Variants in KCNJ6 observed in about 807,000 individuals in gnomAD.
KCNJ6 encodes G protein-activated inward rectifier potassium channel 2.
In KCNJ6, 9 loss-of-function variants were observed where a neutral mutation model predicts 34.2. The observed-to-expected ratio is 0.26, with a 90% CI of 0.16 to 0.46. The LOEUF (loss-of-function observed/expected upper bound fraction) is 0.46, where lower values mean the gene tolerates loss of function less well. KCNJ6 is among the 20% of genes least tolerant of loss of function. KCNJ6 has a pLI of 1.00. For synonymous variants in KCNJ6, 196 were observed against 207.1 expected, an observed-to-expected ratio of 0.95 and a Z score of 0.46; for missense variants, 236 against 531.3, an observed-to-expected ratio of 0.44 and a Z score of 5.46.
intron 3 of KCNJ6, among the ~76,000 whole-genome samples, chr21:37,703,934 T>C (rs1038499506): frequency 1.3e-5 from 2 of 152,252 alleles, no homozygotes; most frequent in Non-Finnish European, 2.9e-5. Flanking sequence ...ACCCAGGATG[T>C]GACTCCATGC....
chr21:37,816,352 T>C (rs1292251324), intron 2 of KCNJ6, among the ~76,000 whole-genome samples: 2 of 152,180 alleles, frequency 1.3e-5, no homozygotes, highest in Non-Finnish European at 2.9e-5. Context: ...GGGCTTGGGG[T>C]TGCTTCTATG....
At chr21:37,769,247 AT>A (rs2123502016) in intron 2 of KCNJ6, among the ~76,000 whole-genome samples, 2 of 152,192 alleles carry the variant, frequency 1.3e-5, no homozygotes, top group South Asian at 4.2e-4. Context: ...CCGCCTGAAA[AT>A]GTAAGGTCAC....
chr21:37,774,493 T>G, intron 2 of KCNJ6, among the ~76,000 whole-genome samples: 2 of 139,886 alleles, frequency 1.4e-5, no homozygotes, highest in South Asian at 2.4e-4. Flanking sequence ...ATGCTATCCC[T>G]CCCCCCCTCC....
chr21:37,860,141 C>T (rs1342466062), intron 1 of KCNJ6, among the ~76,000 whole-genome samples: 3 of 152,184 alleles, frequency 2.0e-5, no homozygotes, highest in African/African-American at 7.2e-5. Context: ...GGAGTAATCC[C>T]AAACCCACCT....
chr21:37,863,712 G>A (rs943147978), intron 1 of KCNJ6, among the ~76,000 whole-genome samples: 1 of 151,952 alleles, frequency 6.6e-6, no homozygotes, highest in African/African-American at 2.4e-5. Flanking sequence ...TAACATCAAC[G>A]CCCCACTTCT....
intron 2 of KCNJ6, among the ~76,000 whole-genome samples, chr21:37,717,914 TTTCTGACTAAA>T (rs1415463105): frequency 2.0e-5 from 3 of 152,208 alleles, no homozygotes; most frequent in African/African-American, 7.2e-5. Flanking sequence ...CTTTATCCCT[TTTCTGACTAAA>T]CTGCAAACCC....
At chr21:37,865,044 A>G (rs947502383) in intron 1 of KCNJ6, among the ~76,000 whole-genome samples, 4 of 152,104 alleles carry the variant, frequency 2.6e-5, no homozygotes, top group Admixed American at 2.0e-4. Context: ...GCTTCAAGAG[A>G]AGCTGGTTTC....
intron 3 of KCNJ6, among the ~76,000 whole-genome samples, chr21:37,666,918 A>C (rs1200349470): frequency 2.6e-5 from 4 of 151,298 alleles, no homozygotes; most frequent in African/African-American, 9.7e-5. Flanking sequence ...AGGGCGGTGC[A>C]AGATGTGCTT....
intron 1 of KCNJ6, among the ~76,000 whole-genome samples, chr21:37,901,936 C>T (rs1200986975): frequency 6.6e-6 from 1 of 151,370 alleles, no homozygotes. Flanking sequence ...AACCAGCTAA[C>T]TAATTTGTTT....
chr21:37,913,924 G>A (rs1330407280), intron 1 of KCNJ6, among the ~76,000 whole-genome samples: 1 of 152,084 alleles, frequency 6.6e-6, no homozygotes, highest in Admixed American at 6.5e-5. Context: ...TTAAAGAGAA[G>A]AGCGTGAGAG....
intron 3 of KCNJ6, among the ~76,000 whole-genome samples, chr21:37,700,026 G>A (rs1035610695): frequency 6.6e-6 from 1 of 151,882 alleles, no homozygotes; most frequent in Non-Finnish European, 1.5e-5. Context: ...CTTATTTTTA[G>A]AAAAATCATT....
intron 3 of KCNJ6, among the ~76,000 whole-genome samples, chr21:37,642,678 G>A (rs1601399933): frequency 6.6e-6 from 1 of 152,116 alleles, no homozygotes; most frequent in African/African-American, 2.4e-5. Context: ...ATCCGACCAT[G>A]TTTAAACATG....
chr21:37,789,205 C>T (rs1009036345), intron 2 of KCNJ6, among the ~76,000 whole-genome samples: 1 of 152,176 alleles, frequency 6.6e-6, no homozygotes, highest in Non-Finnish European at 1.5e-5. Flanking sequence ...CACACAATGC[C>T]TTTACACCCT....
chr21:37,687,758 G>T (rs754958109), intron 3 of KCNJ6, among the ~76,000 whole-genome samples: 1 of 152,182 alleles, frequency 6.6e-6, no homozygotes, highest in Non-Finnish European at 1.5e-5. Context: ...AAATAAAAAG[G>T]ACACACCTCT....
chr21:37,692,174 G>T (rs2054642931), intron 3 of KCNJ6, among the ~76,000 whole-genome samples: 1 of 152,126 alleles, frequency 6.6e-6, no homozygotes, highest in Non-Finnish European at 1.5e-5. Context: ...TAACAAAGCT[G>T]CATGTTCTGC....
At chr21:37,717,767 TTGTCTTTCTGAGTC>T (rs1257194172) in intron 2 of KCNJ6, among the ~76,000 whole-genome samples, 1 of 152,240 alleles carries the variant, frequency 6.6e-6, no homozygotes, top group Non-Finnish European at 1.5e-5. Flanking sequence ...CCCTAAGCTC[TTGTCTTTCTGAGTC>T]CTTAAGTGGG....
At chr21:37,809,748 T>C (rs2055313147) in intron 2 of KCNJ6, among the ~76,000 whole-genome samples, 1 of 152,200 alleles carries the variant, frequency 6.6e-6, no homozygotes, top group East Asian at 1.9e-4. Flanking sequence ...TTGTAGTAGG[T>C]AGACATGAGC....
chr21:37,698,260 T>A (rs572510735), intron 3 of KCNJ6, among the ~76,000 whole-genome samples: 1 of 152,302 alleles, frequency 6.6e-6, no homozygotes, highest in South Asian at 2.1e-4. Flanking sequence ...TGATCTCATC[T>A]CCTCATGGAC....
At chr21:37,647,134 C>T (rs1482681918) in intron 3 of KCNJ6, among the ~76,000 whole-genome samples, 3 of 152,134 alleles carry the variant, frequency 2.0e-5, no homozygotes, top group Admixed American at 6.5e-5. Context: ...GGATATAGCA[C>T]AGGGCAGAAC....
Sources: allele counts gnomAD v4.1 joint callset (sites outside exome capture counted in the v4.1 genomes callset), GRCh38; gene constraint gnomAD v4.1.1; transcripts MANE v1.5; gene names NCBI Gene and HGNC (gene_info 2026-07-23, HGNC 2026-07-21).